Variants in CHLSN observed in about 807,000 individuals in gnomAD.
CHLSN encodes protein cholesin.
At chr7:1,001,138 A>G in the CHLSN span, among the ~76,000 whole-genome samples, 1 of 152,202 alleles carries the variant, frequency 6.6e-6, no homozygotes, top group Middle Eastern at 3.4e-3. Flanking sequence ...TGGGTAGGGC[A>G]GGGCCAGGCA....
At chr7:1,077,309 C>T in the CHLSN span, among the ~76,000 whole-genome samples, 6 of 152,368 alleles carry the variant, frequency 3.9e-5, no homozygotes, top group East Asian at 7.7e-4. Flanking sequence ...GCTTCCACCA[C>T]CAAGCCTGGC....
At chr7:1,029,460 A>G in the CHLSN span, among the ~76,000 whole-genome samples, 61 of 152,244 alleles carry the variant, frequency 4.0e-4, no homozygotes, top group Non-Finnish European at 5.7e-4. Context: ...GGGTCTCACT[A>G]TGTTGCCTGG....
At chr7:983,263 C>T in the CHLSN span, 10 of 1,542,448 alleles carry the variant, frequency 6.5e-6, no homozygotes, top group Non-Finnish European at 8.7e-6. Flanking sequence ...CTGGGGGCTG[C>T]TCTGCGCCTG....
chr7:1,075,031 G>C, the CHLSN span, among the ~76,000 whole-genome samples: 1 of 152,204 alleles, frequency 6.6e-6, no homozygotes, highest in Admixed American at 6.5e-5. Flanking sequence ...GCCATGGGAG[G>C]GCGCAGAATG....
chr7:989,504 G>C, the CHLSN span: 1 of 153,446 alleles, frequency 6.5e-6, no homozygotes, highest in East Asian at 1.9e-4. Flanking sequence ...ACACTGACCC[G>C]GTGCGGTGGC....
At chr7:1,030,282 A>G in the CHLSN span, among the ~76,000 whole-genome samples, 9 of 152,102 alleles carry the variant, frequency 5.9e-5, no homozygotes, top group Non-Finnish European at 7.4e-5. Context: ...TCACCAACGC[A>G]CCAACTCGCA....
At chr7:1,050,736 G>A in the CHLSN span, among the ~76,000 whole-genome samples, 3 of 152,216 alleles carry the variant, frequency 2.0e-5, no homozygotes, top group East Asian at 3.8e-4. Context: ...CTATCCTCAC[G>A]AGTACGCATT....
At chr7:1,070,220 G>A in the CHLSN span, among the ~76,000 whole-genome samples, 6 of 136,852 alleles carry the variant, frequency 4.4e-5, no homozygotes, top group East Asian at 2.1e-4. Flanking sequence ...AGTGAGGAGC[G>A]TCTCCGCCCG....
the CHLSN span, among the ~76,000 whole-genome samples, chr7:1,100,530 C>T: frequency 6.6e-6 from 1 of 152,228 alleles, no homozygotes; most frequent in Admixed American, 6.5e-5. Context: ...CACCAAGCGG[C>T]GTCAGCTGGG....
chr7:984,284 G>C, the CHLSN span: 1 of 1,261,754 alleles, frequency 7.9e-7, no homozygotes, highest in Non-Finnish European at 1.1e-6. Context: ...GCATCTAGGC[G>C]TGCCCCCTCC....
chr7:1,036,464 G>A, the CHLSN span, among the ~76,000 whole-genome samples: 1 of 127,194 alleles, frequency 7.9e-6, no homozygotes, highest in Admixed American at 7.8e-5. Context: ...GTGTGGCCGT[G>A]TAGGGTTCGG....
At chr7:1,106,277 T>C in the CHLSN span, among the ~76,000 whole-genome samples, 1 of 152,204 alleles carries the variant, frequency 6.6e-6, no homozygotes, top group African/African-American at 2.4e-5. Flanking sequence ...ACCTGGTCCC[T>C]GCACAGACTC....
the CHLSN span, among the ~76,000 whole-genome samples, chr7:990,399 GAC>G: frequency 2.0e-5 from 3 of 151,952 alleles, no homozygotes; most frequent in African/African-American, 7.3e-5. Context: ...GGTGTGATGG[GAC>G]ACCTGCTGTC....
chr7:1,114,796 C>CGA, the CHLSN span, among the ~76,000 whole-genome samples: 1 of 152,226 alleles, frequency 6.6e-6, no homozygotes, highest in Non-Finnish European at 1.5e-5. Flanking sequence ...TCTGCCCGGG[C>CGA]GATGGGCAGG....
At chr7:1,075,300 T>C in the CHLSN span, among the ~76,000 whole-genome samples, 2 of 151,900 alleles carry the variant, frequency 1.3e-5, no homozygotes, top group African/African-American at 4.8e-5. Flanking sequence ...GATCACAAGG[T>C]AGGAGATTGA....
At chr7:1,012,542 C>T in the CHLSN span, among the ~76,000 whole-genome samples, 10 of 152,360 alleles carry the variant, frequency 6.6e-5, no homozygotes, top group East Asian at 1.7e-3. Flanking sequence ...TGCTTCTGGC[C>T]ACCAGCGCTC....
chr7:1,010,504 TG>T, the CHLSN span, among the ~76,000 whole-genome samples: 3 of 152,162 alleles, frequency 2.0e-5, no homozygotes, highest in Non-Finnish European at 4.4e-5. Context: ...CAGGGAGGGC[TG>T]AAGGTGTGCT....
At chr7:1,124,964 T>C in the CHLSN span, among the ~76,000 whole-genome samples, 1 of 152,106 alleles carries the variant, frequency 6.6e-6, no homozygotes, top group African/African-American at 2.4e-5. Context: ...CTGGCTGTGC[T>C]TGGGGTGCTG....
chr7:1,019,779 C>T, the CHLSN span, among the ~76,000 whole-genome samples: 1 of 152,352 alleles, frequency 6.6e-6, no homozygotes, highest in Admixed American at 6.5e-5. Context: ...GGCCCTGACC[C>T]CTCTTCTCCT....
Sources: gnomAD v4.1 joint callset for allele counts (sites outside exome capture counted in the v4.1 genomes callset) on GRCh38, gnomAD v4.1.1 for gene constraint, MANE v1.5 for transcripts, NCBI Gene and HGNC (gene_info 2026-07-23, HGNC 2026-07-21) for gene names.